Variants in KCNG2 observed in about 807,000 individuals in gnomAD.
KCNG2 encodes the protein potassium voltage-gated channel modifier subfamily G member 2, also known as voltage-gated potassium channel regulatory subunit KCNG2.
Under a neutral mutation model 12.3 loss-of-function variants are expected in KCNG2, and 7 were observed. The ratio of observed to expected loss-of-function variants is 0.57; its 90% CI spans 0.32 to 1.07. The LOEUF is 1.07. KCNG2 is among the 50% of genes least tolerant of loss of function. KCNG2 has a pLI of 0.04. For synonymous variants in KCNG2, 414 were observed against 351.4 expected, an observed-to-expected ratio of 1.18 and a Z score of -1.99; for missense variants, 703 against 726.0, an observed-to-expected ratio of 0.97 and a Z score of 0.36.
At position 79,799,129 on chromosome 18, in the gene KCNG2, G is replaced by A. The variant is rs1222681538; in HGVS notation, c.-115+1115G>A. 3.9e-5 allele frequency among the ~76,000 whole-genome samples: 6 copies of A among 152,222 alleles called. No individual in the cohort carries two copies. In the East Asian group the frequency reaches 9.6e-4, roughly 24 times the overall value. On this transcript the variant is annotated intron_variant, in intron 1 of 3. Transcript: ENST00000316249. ...TCCGCGTGCGCTCAAAGTGAGCGCC[G>A]GGCAGATTGTAAATAATGGATTTTG...
intron 3 of KCNG2, among the ~76,000 whole-genome samples, chr18:79,870,376 T>G (rs1276777287): frequency 6.6e-6 from 1 of 152,160 alleles, no homozygotes. Flanking sequence ...TGGTCAGGAT[T>G]GCACCAGTGT....
At chr18:79,844,617 T>C (rs1978562564) in intron 1 of KCNG2, among the ~76,000 whole-genome samples, 1 of 152,270 alleles carries the variant, frequency 6.6e-6, no homozygotes, top group Admixed American at 6.5e-5. Flanking sequence ...GTGGTAATCA[T>C]TGCACAATGC....
At chr18:79,799,721 C>T (rs1057413453) in intron 1 of KCNG2, among the ~76,000 whole-genome samples, 1 of 152,230 alleles carries the variant, frequency 6.6e-6, no homozygotes, top group Non-Finnish European at 1.5e-5. Context: ...GAAGTGAGTT[C>T]TCAGCTGCCA....
At chr18:79,824,305 G>A (rs988823442) in intron 1 of KCNG2, among the ~76,000 whole-genome samples, 17 of 152,232 alleles carry the variant, frequency 1.1e-4, no homozygotes, top group Admixed American at 1.1e-3. Context: ...GCCATAAATG[G>A]ACTTTTCCAA....
chr18:79,890,626 G>GCTTTT, intron 3 of KCNG2, among the ~76,000 whole-genome samples: 2 of 152,226 alleles, frequency 1.3e-5, no homozygotes, highest in Admixed American at 6.5e-5. Context: ...AGCTGCAGAG[G>GCTTTT]ACAAGACATC....
At chr18:79,829,762 G>A (rs1433108009) in intron 1 of KCNG2, among the ~76,000 whole-genome samples, 1 of 152,212 alleles carries the variant, frequency 6.6e-6, no homozygotes, top group African/African-American at 2.4e-5. Flanking sequence ...CTGGTGCCGG[G>A]GCAGCTCACA....
Position 79,864,105 on chromosome 18 carries a change from G to C in KCNG2, c.438G>C (p.Pro146=). The C allele has an allele frequency of 8.9e-7, 1 of 1,120,048 alleles. No homozygotes were observed. The highest frequency in any genetic ancestry group is 1.7e-5 in the African/African-American group (1 of 58,750). The allele number at this position is 1,120,048 out of a possible 1,614,324, so 69.4% of individuals were successfully genotyped here. The change falls in exon 3 of 4, where the codon CCG becomes CCC. Residue 146 remains proline (P), a synonymous_variant. Transcript: ENST00000316249. ...GPTERGAQGS[P]ARALGPRGRL... ...CGGAGCGCGGGGCGCAGGGGAGCCC[G>C]GCGCGCGCCCTGGGACCTCGGGGGC...
intron 1 of KCNG2, among the ~76,000 whole-genome samples, chr18:79,798,275 G>C (rs2087379242): frequency 6.6e-6 from 1 of 151,412 alleles, no homozygotes; most frequent in South Asian, 2.1e-4. Context: ...CAGAGTCCGG[G>C]AGTCGAGGGG....
chr18:79,867,271 C>T (rs1423637238), intron 3 of KCNG2, among the ~76,000 whole-genome samples: 3 of 151,926 alleles, frequency 2.0e-5, no homozygotes, highest in South Asian at 4.2e-4. Context: ...CTGCCCCATC[C>T]GTCCTGTCCC....
chr18:79,844,759 G>A (rs1261577163), intron 1 of KCNG2, among the ~76,000 whole-genome samples: 1 of 152,214 alleles, frequency 6.6e-6, no homozygotes, highest in Non-Finnish European at 1.5e-5. Flanking sequence ...TCAAGTGCTG[G>A]CAAGGATGCT....
At chr18:79,835,918 T>C (rs1221163354) in intron 1 of KCNG2, among the ~76,000 whole-genome samples, 1 of 152,106 alleles carries the variant, frequency 6.6e-6, no homozygotes, top group Non-Finnish European at 1.5e-5. Context: ...AAAATAGAAT[T>C]GTCAAATAGT....
intron 1 of KCNG2, among the ~76,000 whole-genome samples, chr18:79,835,236 A>G (rs977251836): frequency 1.3e-5 from 2 of 152,198 alleles, no homozygotes; most frequent in Admixed American, 6.5e-5. Flanking sequence ...ACCGCAGCAG[A>G]GCCAGCATCT....
intron 3 of KCNG2, among the ~76,000 whole-genome samples, chr18:79,890,521 CAT>C (rs767086365): frequency 1.9e-4 from 29 of 152,270 alleles, no homozygotes; most frequent in Non-Finnish European, 3.7e-4. Flanking sequence ...TCTTTATGTC[CAT>C]GAGCACCCAA....
At chr18:79,887,300 G>T (rs1296680646) in intron 3 of KCNG2, among the ~76,000 whole-genome samples, 2 of 152,026 alleles carry the variant, frequency 1.3e-5, no homozygotes, top group African/African-American at 2.4e-5. Context: ...GGACGGAAAT[G>T]CTGAGACAGC....
intron 3 of KCNG2, among the ~76,000 whole-genome samples, chr18:79,891,816 T>G (rs897774073): frequency 6.6e-6 from 1 of 152,224 alleles, no homozygotes; most frequent in African/African-American, 2.4e-5. Context: ...CTGTTCCGTG[T>G]GCACATTGAA....
chr18:79,872,653 C>T (rs989686571), intron 3 of KCNG2, among the ~76,000 whole-genome samples: 17 of 152,208 alleles, frequency 1.1e-4, no homozygotes, highest in African/African-American at 3.4e-4. Context: ...GGCGCAGTTG[C>T]GGGCTGGCTT....
At chr18:79,798,934 C>A (rs1317903) in intron 1 of KCNG2, among the ~76,000 whole-genome samples, 1 of 152,008 alleles carries the variant, frequency 6.6e-6, no homozygotes, top group Non-Finnish European at 1.5e-5. Flanking sequence ...CCCCCGCCCG[C>A]GCGCCTGGCT....
chr18:79,853,864 G>A (rs2123052227), intron 1 of KCNG2, among the ~76,000 whole-genome samples: 1 of 152,256 alleles, frequency 6.6e-6, no homozygotes, highest in East Asian at 1.9e-4. Context: ...GGCACTACTT[G>A]AGTGGCAGGT....
At chr18:79,890,704 G>A (rs146257814) in intron 3 of KCNG2, among the ~76,000 whole-genome samples, 91 of 152,260 alleles carry the variant, frequency 6.0e-4, no homozygotes, top group Middle Eastern at 3.4e-3. Flanking sequence ...ATCTGGCCCT[G>A]GGCTTTTCTT....
Sources: allele counts gnomAD v4.1 joint callset (sites outside exome capture counted in the v4.1 genomes callset), GRCh38; gene constraint gnomAD v4.1.1; transcripts MANE v1.5; gene names NCBI Gene and HGNC (gene_info 2026-07-23, HGNC 2026-07-21).